The following ERI3 variants were observed in gnomAD, a reference collection of about 807,000 sequenced individuals.
ERI3 encodes ERI1 exoribonuclease 3.
ERI3 carries 18 observed loss-of-function variants against 44.4 expected under a neutral mutation model. The ratio of observed to expected loss-of-function variants is 0.41; its 90% CI spans 0.28 to 0.60. The LOEUF (loss-of-function observed/expected upper bound fraction) is 0.60. ERI3 is among the 20% of genes least tolerant of loss of function. The probability of loss-of-function intolerance (pLI) is 0.36; values close to 1 mark genes in which losing one functional copy is unlikely to be tolerated. For missense variants in ERI3, 294 were observed against 435.5 expected (o/e 0.68, Z 2.89); for synonymous variants, 183 against 164.8 (o/e 1.11, Z -0.84).
chr1:44,251,067 G>A (rs1644669007), intron 7 of ERI3, among the ~76,000 whole-genome samples: 1 of 152,158 alleles, frequency 6.6e-6, no homozygotes, highest in African/African-American at 2.4e-5. Context: ...CTGCCATCTT[G>A]GGTACTGCTT....
intron 6 of ERI3, among the ~76,000 whole-genome samples, chr1:44,288,099 C>T (rs926684841): frequency 6.6e-6 from 1 of 152,074 alleles, no homozygotes; most frequent in African/African-American, 2.4e-5. Flanking sequence ...AGGATGATGC[C>T]TATTCTTCTC....
Position 44,273,425 on chromosome 1 carries a change from G to C in ERI3, c.831+11410C>G, listed in dbSNP as rs898165873. On this transcript the variant is annotated intron_variant, in intron 7 of 8. Transcript: ENST00000372257. Reference sequence around the variant, plus strand: ...ACCTCTTCCTGGCTATGTGCCTTTAGGCAAGTTTCTTCATTTCTCTAAGTT... The same window carrying C: ...ACCTCTTCCTGGCTATGTGCCTTTACGCAAGTTTCTTCATTTCTCTAAGTT... Among the ~76,000 whole-genome samples, 10 of 152,216 alleles carry C rather than the reference G, an allele frequency of 6.6e-5. 1 individual carries two copies. The South Asian group carries it at 2.1e-3, about 31-fold the overall frequency.
rs1236382298 is a variant in ERI3, at chr1:44,241,312, T to G, written c.931+6627A>C. ...ATGAAGTCCGGTTATCTCCCATCTG[T>G]GGCTGCTCCTAATCCCCCAGCCCAC... On this transcript the variant is annotated intron_variant, in intron 8 of 8. Coordinates refer to ENST00000372257, the MANE Select transcript of ERI3 (RefSeq NM_024066.3). The surrounding 1 kb of genome is among the most constrained non-coding windows in gnomAD (Gnocchi z 5.6). Among the ~76,000 whole-genome samples, 1 of 152,150 alleles carries G rather than the reference T, an allele frequency of 6.6e-6. No homozygotes were observed. Among genetic ancestry groups the G allele is most frequent in the Non-Finnish European group, 1.5e-5 (1 of 68,018 alleles).
chr1:44,259,908 T>C (rs1329172445), intron 7 of ERI3, among the ~76,000 whole-genome samples: 46 of 146,606 alleles, frequency 3.1e-4, no homozygotes, highest in Middle Eastern at 3.4e-3. Flanking sequence ...GATAGATAGA[T>C]AGATAGATAG....
At chr1:44,293,721 T>C (rs1645555327) in intron 6 of ERI3, among the ~76,000 whole-genome samples, 1 of 152,228 alleles carries the variant, frequency 6.6e-6, no homozygotes, top group African/African-American at 2.4e-5. Context: ...GAATCGAAAC[T>C]AGGTCTCTTC....
intron 3 of ERI3, among the ~76,000 whole-genome samples, chr1:44,332,220 G>A (rs771267980): frequency 5.9e-5 from 9 of 151,782 alleles, no homozygotes; most frequent in African/African-American, 1.7e-4. Context: ...GTTATTTTAC[G>A]GTCCCTGATT....
chr1:44,349,241 C>T (rs1197539506), intron 2 of ERI3, among the ~76,000 whole-genome samples: 2 of 152,276 alleles, frequency 1.3e-5, no homozygotes, highest in African/African-American at 4.8e-5. Context: ...CAACCTCCAC[C>T]TCCCGGGTTC....
At position 44,228,673 on chromosome 1, in the gene ERI3, C is replaced by T. The variant is rs1037138003; in HGVS notation, c.932-7033G>A. ...CCCATTACCCGCCAGCTCACAGCCA[C>T]TTGGGGGCAGTGGGGTGGAGGGGGG... is the stretch of plus-strand genomic sequence containing the variant. On this transcript the variant is annotated intron_variant, in intron 8 of 8. Coordinates refer to ENST00000372257, the MANE Select transcript of ERI3 (RefSeq NM_024066.3). This position sits in a 1 kb window ranked among gnomAD's most constrained non-coding sequence, Gnocchi z 4.3. Among the ~76,000 whole-genome samples, 2 of 152,194 alleles carry T rather than the reference C, an allele frequency of 1.3e-5. No individual in the cohort carries two copies. The highest frequency in any genetic ancestry group is 2.9e-5 in the Non-Finnish European group (2 of 68,030).
chr1:44,263,291 CAAG>C (rs916842846), intron 7 of ERI3, among the ~76,000 whole-genome samples: 5 of 152,190 alleles, frequency 3.3e-5, no homozygotes, highest in African/African-American at 7.2e-5. Flanking sequence ...AAACGAAAAG[CAAG>C]AAGGAGATTG....
intron 5 of ERI3, among the ~76,000 whole-genome samples, chr1:44,311,187 AAG>A (rs1645965230): frequency 1.3e-5 from 2 of 152,132 alleles, no homozygotes; most frequent in Admixed American, 6.5e-5. Flanking sequence ...TGCACAGTGA[AAG>A]AGAGAGCAAG....
At chr1:44,240,983 G>T (rs1239144884) in intron 8 of ERI3, among the ~76,000 whole-genome samples, 2 of 152,228 alleles carry the variant, frequency 1.3e-5, no homozygotes, top group Non-Finnish European at 2.9e-5. Context: ...TTGGCATTAG[G>T]TCAGATGGGG....
chr1:44,255,191 TCTC>T (rs1343583471), intron 7 of ERI3, among the ~76,000 whole-genome samples: 1 of 152,178 alleles, frequency 6.6e-6, no homozygotes, highest in Admixed American at 6.5e-5. Context: ...CTACTGCTGT[TCTC>T]CTGTTAACGA....
At chr1:44,294,826 T>A (rs1347376080) in intron 6 of ERI3, among the ~76,000 whole-genome samples, 1 of 152,240 alleles carries the variant, frequency 6.6e-6, no homozygotes, top group East Asian at 1.9e-4. Context: ...AACTCACTCA[T>A]CCCACTACAG....
intron 6 of ERI3, among the ~76,000 whole-genome samples, chr1:44,291,033 C>A (rs768863925): frequency 1.3e-5 from 2 of 152,186 alleles, no homozygotes; most frequent in African/African-American, 2.4e-5. Context: ...TTGGTCCTTC[C>A]TCCCCCACTG....
chr1:44,236,785 C>T (rs1194132693), intron 8 of ERI3, among the ~76,000 whole-genome samples: 1 of 152,130 alleles, frequency 6.6e-6, no homozygotes, highest in African/African-American at 2.4e-5. Context: ...AGTGGGGACA[C>T]TCTTCCGCCA....
intron 6 of ERI3, among the ~76,000 whole-genome samples, chr1:44,304,545 C>T (rs34684685): frequency 0.25 from 38,389 of 152,040 alleles, 4,926 homozygotes; most frequent in Non-Finnish European, 0.26. Context: ...GCAGCAAGCA[C>T]GTCACTAGGC....
chr1:44,294,783 G>T (rs951575998), intron 6 of ERI3, among the ~76,000 whole-genome samples: 1 of 152,258 alleles, frequency 6.6e-6, no homozygotes, highest in South Asian at 2.1e-4. Context: ...GGGAAACCAG[G>T]AGCTCCTTAG....
intron 8 of ERI3, among the ~76,000 whole-genome samples, chr1:44,226,322 C>G (rs1218416319): frequency 6.6e-6 from 1 of 151,866 alleles, no homozygotes; most frequent in Admixed American, 6.6e-5. Context: ...TGTTAATATT[C>G]TGAGAATGAT....
intron 7 of ERI3, among the ~76,000 whole-genome samples, chr1:44,264,399 T>C (rs1644950798): frequency 6.6e-6 from 1 of 152,238 alleles, no homozygotes; most frequent in Admixed American, 6.5e-5. Context: ...TGACAGGACG[T>C]GGCTTTAAAC....
Sources: gnomAD v4.1 joint callset for allele counts (sites outside exome capture counted in the v4.1 genomes callset) on GRCh38, gnomAD v4.1.1 for gene constraint, Gnocchi (gnomAD v3.1) non-coding constraint, MANE v1.5 for transcripts, NCBI Gene and HGNC (gene_info 2026-07-23, HGNC 2026-07-21) for gene names.